The following EPC2 variants were observed in gnomAD, a reference collection of about 807,000 sequenced individuals.
The protein encoded by EPC2 is enhancer of polycomb 2.
EPC2 carries 14 observed loss-of-function variants against 92.1 expected under a neutral mutation model. The observed-to-expected ratio is 0.15, with a 90% CI of 0.10 to 0.24. The LOEUF (loss-of-function observed/expected upper bound fraction) is 0.24. Among genes scored for constraint, EPC2 ranks in the 10% least tolerant of loss-of-function variants. The pLI, the probability that EPC2 is intolerant of heterozygous loss-of-function variation, is 1.00. For synonymous variants in EPC2, 340 were observed against 334.7 expected (o/e 1.02, Z -0.17); for missense variants, 755 against 971.5 (o/e 0.78, Z 2.96).
At chr2:148,716,366 T>A (rs528924574) in intron 2 of EPC2, among the ~76,000 whole-genome samples, 7 of 152,194 alleles carry the variant, frequency 4.6e-5, no homozygotes, top group Non-Finnish European at 1.0e-4. Context: ...GGGTTTGTCA[T>A]ATATGGCTCT....
chr2:148,720,656 G>A (rs1405822908), intron 2 of EPC2, among the ~76,000 whole-genome samples: 1 of 152,166 alleles, frequency 6.6e-6, no homozygotes, highest in East Asian at 1.9e-4. Flanking sequence ...CCTGATCCCC[G>A]GGTTGCAAAG....
At chr2:148,723,695 A>C (rs1448870735) in intron 2 of EPC2, among the ~76,000 whole-genome samples, 1 of 152,202 alleles carries the variant, frequency 6.6e-6, no homozygotes, top group Non-Finnish European at 1.5e-5. Context: ...CAGAAGTCTT[A>C]CTTACAATTT....
chr2:148,772,548 A>G lies in EPC2; in HGVS notation c.1720+1161A>G, dbSNP rs574476253. Reference sequence around the variant, plus strand: ...TAGCTACTGAACTGCCTGTTTTCCAACTTGACTCGTACAGTGATTTGTTTA... The same window carrying G: ...TAGCTACTGAACTGCCTGTTTTCCAGCTTGACTCGTACAGTGATTTGTTTA... On this transcript the variant is annotated intron_variant, in intron 10 of 13. Transcript: ENST00000258484. Among the ~76,000 whole-genome samples, 7 of 152,300 alleles carry G rather than the reference A, an allele frequency of 4.6e-5. No homozygotes were observed. The South Asian group carries it at 1.0e-3, about 23-fold the overall frequency.
At chr2:148,752,684 A>G (rs1189070939) in intron 3 of EPC2, among the ~76,000 whole-genome samples, 1 of 152,198 alleles carries the variant, frequency 6.6e-6, no homozygotes, top group Non-Finnish European at 1.5e-5. Context: ...CTGTGGTCAA[A>G]CTAGGCAGAC....
chr2:148,779,100 T>G (rs1683702153), intron 10 of EPC2, among the ~76,000 whole-genome samples: 1 of 152,012 alleles, frequency 6.6e-6, no homozygotes, highest in African/African-American at 2.4e-5. Flanking sequence ...CCTGAGCAAA[T>G]TAATGGTCTC....
chr2:148,685,754 G>A (rs890101443), intron 1 of EPC2, among the ~76,000 whole-genome samples: 2 of 152,194 alleles, frequency 1.3e-5, no homozygotes, highest in Non-Finnish European at 2.9e-5. Flanking sequence ...GCGACAGAGT[G>A]AGATTCCATC....
chr2:148,783,512 C>A, intron 11 of EPC2, 85 bp from the exon 12 acceptor site: 1 of 1,282,396 alleles, frequency 7.8e-7, no homozygotes, highest in Non-Finnish European at 1.1e-6. Flanking sequence ...AGAAAGGCAA[C>A]AGCCTCTTGG....
intron 11 of EPC2, among the ~76,000 whole-genome samples, chr2:148,782,971 G>A (rs899622201): frequency 1.4e-4 from 22 of 152,002 alleles, no homozygotes; most frequent in Non-Finnish European, 1.5e-4. Flanking sequence ...ATTCTCAAAG[G>A]GTCAGTACAC....
intron 1 of EPC2, among the ~76,000 whole-genome samples, chr2:148,678,954 C>T (rs962673129): frequency 1.3e-5 from 2 of 152,212 alleles, no homozygotes; most frequent in Admixed American, 6.5e-5. Flanking sequence ...CACCTCTCAG[C>T]GGGAAGACCA....
intron 10 of EPC2, among the ~76,000 whole-genome samples, chr2:148,771,611 A>G (rs1341546023): frequency 6.6e-6 from 1 of 151,806 alleles, no homozygotes; most frequent in Non-Finnish European, 1.5e-5. Context: ...CAGAATGCAT[A>G]CAGAGTTCCC....
chr2:148,649,234 C>CTA (rs1299769105), intron 1 of EPC2, among the ~76,000 whole-genome samples: 5 of 152,026 alleles, frequency 3.3e-5, no homozygotes, highest in Non-Finnish European at 7.4e-5. Flanking sequence ...AAAAAAGTAC[C>CTA]TATATACAGT....
At chr2:148,708,336 A>G (rs1364302825) in intron 2 of EPC2, among the ~76,000 whole-genome samples, 1 of 152,190 alleles carries the variant, frequency 6.6e-6, no homozygotes, top group African/African-American at 2.4e-5. Flanking sequence ...AGGCTCTGAA[A>G]TTGAAGCAAT....
intron 1 of EPC2, among the ~76,000 whole-genome samples, chr2:148,681,857 C>G (rs1251603816): frequency 6.6e-6 from 1 of 152,150 alleles, no homozygotes; most frequent in Non-Finnish European, 1.5e-5. Context: ...TCTCCTAATG[C>G]TATCCCTCCC....
chr2:148,783,521 G>A (rs1204246816), intron 11 of EPC2, 76 bp from the exon 12 acceptor site: 1 of 1,382,260 alleles, frequency 7.2e-7, no homozygotes, highest in Non-Finnish European at 9.9e-7. Flanking sequence ...ACAGCCTCTT[G>A]GGTTTGCCCC....
At chr2:148,748,828 T>G in intron 3 of EPC2, among the ~76,000 whole-genome samples, 1 of 152,162 alleles carries the variant, frequency 6.6e-6, no homozygotes, top group East Asian at 1.9e-4. Context: ...AAAAATTGAT[T>G]TTGGAGCATT....
intron 1 of EPC2, among the ~76,000 whole-genome samples, chr2:148,661,164 C>T (rs927161658): frequency 6.6e-6 from 1 of 152,070 alleles, no homozygotes; most frequent in Non-Finnish European, 1.5e-5. Flanking sequence ...AGAGAATTGA[C>T]ATCTTTATGA....
intron 2 of EPC2, among the ~76,000 whole-genome samples, chr2:148,742,013 A>G (rs758032042): frequency 6.6e-6 from 1 of 152,104 alleles, no homozygotes; most frequent in African/African-American, 2.4e-5. Flanking sequence ...AGCTTTTTTC[A>G]TTTAATATTT....
chr2:148,785,919 G>A (rs1215571859), intron 13 of EPC2, among the ~76,000 whole-genome samples: 1 of 151,948 alleles, frequency 6.6e-6, no homozygotes, highest in Non-Finnish European at 1.5e-5. Context: ...CTAATGGAAA[G>A]TAATTTCAGT....
At chr2:148,712,121 T>A (rs1406434884) in intron 2 of EPC2, among the ~76,000 whole-genome samples, 1 of 152,194 alleles carries the variant, frequency 6.6e-6, no homozygotes, top group Non-Finnish European at 1.5e-5. Flanking sequence ...GTTTTGTATT[T>A]GATTCCCTTG....
Sources: allele counts gnomAD v4.1 joint callset (sites outside exome capture counted in the v4.1 genomes callset), GRCh38; gene constraint gnomAD v4.1.1; transcripts MANE v1.5; gene names NCBI Gene and HGNC (gene_info 2026-07-23, HGNC 2026-07-21).